The following KDM2B variants were observed in gnomAD, a reference collection of about 807,000 sequenced individuals.
The protein encoded by KDM2B is lysine-specific demethylase 2B.
Under a neutral mutation model 150.0 loss-of-function variants are expected in KDM2B, and 26 were observed. That is an observed-to-expected ratio of 0.17 (90% CI 0.13 to 0.24). KDM2B has a LOEUF of 0.24. Among genes scored for constraint, KDM2B ranks in the 10% least tolerant of loss-of-function variants. The probability of loss-of-function intolerance (pLI) is 1.00; values close to 1 mark genes in which losing one functional copy is unlikely to be tolerated. For synonymous variants in KDM2B, 734 were observed against 729.5 expected (o/e 1.01, Z -0.10); for missense variants, 1,265 against 1,816.9 (o/e 0.70, Z 5.52).
At chr12:121,422,407 A>G in the KDM2B span, among the ~76,000 whole-genome samples, 19 of 152,308 alleles carry the variant, frequency 1.2e-4, no homozygotes, top group East Asian at 3.7e-3. Context: ...ACACAGAAGG[A>G]GAGACCAAGG....
chr12:121,450,955 A>C (rs1324408012), intron 13 of KDM2B, among the ~76,000 whole-genome samples: 1 of 152,208 alleles, frequency 6.6e-6, no homozygotes, highest in East Asian at 1.9e-4. Flanking sequence ...GAGGTTCCTC[A>C]AAAAGTTAAA....
At chr12:121,483,820 G>A (rs1214351596) in intron 12 of KDM2B, among the ~76,000 whole-genome samples, 3 of 152,082 alleles carry the variant, frequency 2.0e-5, no homozygotes, top group Non-Finnish European at 2.9e-5. Flanking sequence ...GGCAGGAATC[G>A]GATGGCACCA....
intron 10 of KDM2B, among the ~76,000 whole-genome samples, chr12:121,510,415 T>G (rs935728052): frequency 1.3e-5 from 2 of 150,162 alleles, no homozygotes; most frequent in African/African-American, 4.9e-5. Context: ...ACTCAGCTAG[T>G]TTTTTTTTTA....
chr12:121,441,501 ATC>A (rs2138028525), intron 19 of KDM2B, among the ~76,000 whole-genome samples: 1 of 152,184 alleles, frequency 6.6e-6, no homozygotes, highest in African/African-American at 2.4e-5. Context: ...TAGTGGTGCA[ATC>A]TCTGCTCACC....
At position 121,575,944 on chromosome 12, in the gene KDM2B, T is replaced by A; in HGVS notation, c.272-85A>T. ...GATCTGTTGGTTAGGGGAAGAAAAC[T>A]GATGGACGAAGGGGCAGGGGGTCCA... On this transcript the variant is annotated intron_variant, in intron 2 of 22. Coordinates refer to ENST00000377071, the MANE Select transcript of KDM2B (RefSeq NM_032590.5). This position sits in a 1 kb window ranked among gnomAD's most constrained non-coding sequence, Gnocchi z 4.4. The A allele has an allele frequency of 9.9e-7, 1 of 1,010,902 alleles. No individual in the cohort carries two copies. Among genetic ancestry groups the A allele is most frequent in the Non-Finnish European group, 1.6e-6 (1 of 635,780 alleles). 62.6% of individuals were successfully genotyped at this position (1,010,902 alleles called of 1,614,324 possible). A position where few individuals can be genotyped will look rare whatever the true frequency, so the allele number is the denominator to read the frequency against.
intron 22 of KDM2B, among the ~76,000 whole-genome samples, chr12:121,438,147 G>A (rs1405780097): frequency 1.3e-5 from 2 of 151,892 alleles, no homozygotes; most frequent in East Asian, 1.9e-4. Flanking sequence ...ACAGCTACTC[G>A]GGAGACTGAG....
chr12:121,483,386 C>A (rs1444780301), intron 12 of KDM2B, among the ~76,000 whole-genome samples: 2 of 150,426 alleles, frequency 1.3e-5, no homozygotes, highest in African/African-American at 4.9e-5. Flanking sequence ...GGTATTAGGC[C>A]CTATGGCCAG....
chr12:121,414,264 C>G, the KDM2B span, among the ~76,000 whole-genome samples: 1 of 152,230 alleles, frequency 6.6e-6, no homozygotes, highest in African/African-American at 2.4e-5. Flanking sequence ...ACTTCCATTA[C>G]CTATCACATT....
rs371592883 is a variant in KDM2B at position 121,437,326 on chromosome 12, A to G, written c.3829+2531T>C. 8.5e-5 allele frequency among the ~76,000 whole-genome samples: 13 copies of G among 152,262 alleles called. No individual in the cohort carries two copies. In the East Asian group the frequency reaches 1.2e-3, roughly 14 times the overall value. The stretch of plus-strand genomic sequence containing the variant: ...AAGAAAGAAAATGTACTCATAATAC[A>G]CTATTTGGCTCAACAGTGACCAACA... On this transcript the variant is annotated intron_variant, in intron 22 of 22. Coordinates refer to ENST00000377071, the MANE Select transcript of KDM2B (RefSeq NM_032590.5).
intron 22 of KDM2B, among the ~76,000 whole-genome samples, chr12:121,435,255 A>G (rs1873797337): frequency 6.6e-6 from 1 of 152,246 alleles, no homozygotes; most frequent in African/African-American, 2.4e-5. Flanking sequence ...TCTATGCCCA[A>G]AAATGGCTAA....
At chr12:121,569,975 G>T (rs562569379) in intron 4 of KDM2B, among the ~76,000 whole-genome samples, 1 of 151,974 alleles carries the variant, frequency 6.6e-6, no homozygotes, top group South Asian at 2.1e-4. Context: ...TCAGCCTCCT[G>T]AGGAGCTGGG....
At chr12:121,577,673 G>A (rs146757109) in intron 2 of KDM2B, among the ~76,000 whole-genome samples, 1 of 152,354 alleles carries the variant, frequency 6.6e-6, no homozygotes, top group Non-Finnish European at 1.5e-5. Context: ...CTGAGGGATG[G>A]AAGGGTTTTC....
rs1365633653 is a variant in KDM2B, at chr12:121,467,442, C to G, written c.1735-14098G>C. 1 of 753,378 alleles carries G rather than the reference C, an allele frequency of 1.3e-6. No homozygotes were observed. Among genetic ancestry groups the G allele is most frequent in the Non-Finnish European group, 1.6e-6 (1 of 620,776 alleles). 46.7% of individuals were successfully genotyped at this position (753,378 alleles called of 1,614,324 possible). On this transcript the variant is annotated intron_variant, in intron 12 of 22. Transcript: ENST00000377071. The surrounding 1 kb of genome is among the most constrained non-coding windows in gnomAD (Gnocchi z 5.1). ...CGCCATGCATATGCATGAGGCGAGCCAGGAAGGGGCTGGCCCCCCGGGCGG... is the reference window on the plus strand; with the variant it reads ...CGCCATGCATATGCATGAGGCGAGCGAGGAAGGGGCTGGCCCCCCGGGCGG...
upstream of KDM2B, chr12:121,581,078 G>T: frequency 1.2e-6 from 1 of 858,134 alleles, no homozygotes; most frequent in Non-Finnish European, 1.7e-6. Context: ...GGAAGACGTT[G>T]CCTTTCATTC....
chr12:121,476,718 C>A (rs1354002253), intron 12 of KDM2B, among the ~76,000 whole-genome samples: 1 of 152,038 alleles, frequency 6.6e-6, no homozygotes, highest in Non-Finnish European at 1.5e-5. Context: ...CTTTTCTCTC[C>A]CTCCTTCCTT....
chr12:121,489,738 C>T (rs1883158895), intron 12 of KDM2B, among the ~76,000 whole-genome samples: 2 of 152,182 alleles, frequency 1.3e-5, no homozygotes, highest in African/African-American at 4.8e-5. Context: ...CCACGCCTGG[C>T]CCTGAGCAGC....
At chr12:121,434,111 T>C (rs1873533047) in intron 22 of KDM2B, among the ~76,000 whole-genome samples, 1 of 152,014 alleles carries the variant, frequency 6.6e-6, no homozygotes, top group African/African-American at 2.4e-5. Context: ...GCCTGGAAGG[T>C]GGAGCCTGCA....
chr12:121,552,065 C>T (rs1213726410), intron 4 of KDM2B, among the ~76,000 whole-genome samples: 1 of 152,198 alleles, frequency 6.6e-6, no homozygotes, highest in Non-Finnish European at 1.5e-5. Context: ...CAGCAACTGG[C>T]TCAAGCTCCC....
chr12:121,476,486 T>TAA (rs1319411959), intron 12 of KDM2B, among the ~76,000 whole-genome samples: 18 of 143,250 alleles, frequency 1.3e-4, no homozygotes, highest in African/African-American at 4.6e-4. Context: ...TTTTTGTTTT[T>TAA]AAAAAAAAAA....
Sources: gnomAD v4.1 joint callset for allele counts (sites outside exome capture counted in the v4.1 genomes callset) on GRCh38, gnomAD v4.1.1 for gene constraint, Gnocchi (gnomAD v3.1) non-coding constraint, MANE v1.5 for transcripts, NCBI Gene and HGNC (gene_info 2026-07-23, HGNC 2026-07-21) for gene names.